The following MYO18A variants were observed in gnomAD, a reference collection of about 807,000 sequenced individuals.
MYO18A encodes myosin XVIIIA, also known as unconventional myosin-XVIIIa.
MYO18A carries 78 observed loss-of-function variants against 235.8 expected under a neutral mutation model. The observed-to-expected ratio is 0.33, with a 90% CI of 0.28 to 0.40. The LOEUF (loss-of-function observed/expected upper bound fraction) is 0.40. Ranked by LOEUF, MYO18A falls within the 10% of genes least tolerant of loss-of-function variation. The pLI is 1.00. For missense variants in MYO18A, 2,215 were observed against 2,699.3 expected, an observed-to-expected ratio of 0.82 and a Z score of 3.98; for synonymous variants, 977 against 1,077.8, an observed-to-expected ratio of 0.91 and a Z score of 1.83.
rs367906119 is a variant in MYO18A at position 29,161,879 on chromosome 17, C to T, written c.999+4063G>A. 1.7e-4 allele frequency among the ~76,000 whole-genome samples: 26 copies of T among 152,352 alleles called. 1 individual carries two copies. The South Asian group carries it at 2.7e-3, about 16-fold the overall frequency. ...ATCCTCAACTTTACCAACATCTCCCCTAATCTCACCAGACTTAGGAAACAC... is the reference window on the plus strand; with the variant it reads ...ATCCTCAACTTTACCAACATCTCCCTTAATCTCACCAGACTTAGGAAACAC... On this transcript the variant is annotated intron_variant, in intron 2 of 41. Coordinates refer to ENST00000527372, the MANE Select transcript of MYO18A (RefSeq NM_078471.4).
chr17:29,127,475 C>G (rs767556533), intron 2 of MYO18A, among the ~76,000 whole-genome samples: 2 of 152,208 alleles, frequency 1.3e-5, no homozygotes, highest in Non-Finnish European at 2.9e-5. Flanking sequence ...GGAATGCAAG[C>G]CCAGATCCCT....
chr17:29,093,771 G>A (rs1156665713), intron 31 of MYO18A, among the ~76,000 whole-genome samples: 1 of 152,166 alleles, frequency 6.6e-6, no homozygotes, highest in Non-Finnish European at 1.5e-5. Flanking sequence ...ACAGAAAGCA[G>A]GGAGCGATAG....
In MYO18A at chr17:29,094,632, G is replaced by A; in HGVS notation, c.4710+18C>T. 1 of 1,613,722 alleles carries A rather than the reference G, an allele frequency of 6.2e-7. No homozygotes were observed. The highest frequency in any genetic ancestry group is 1.1e-5 in the South Asian group (1 of 91,078). On this transcript the variant is annotated intron_variant, in intron 30 of 41. Coordinates refer to ENST00000527372, the MANE Select transcript of MYO18A (RefSeq NM_078471.4). ...CCTCGCTGCACCTCACCTCTCCCTTGGCCAAGCCCTCCTGTACCTGTTCCA... is the reference window on the plus strand; with the variant it reads ...CCTCGCTGCACCTCACCTCTCCCTTAGCCAAGCCCTCCTGTACCTGTTCCA...
At chr17:29,168,261 G>A (rs954586653) in intron 1 of MYO18A, among the ~76,000 whole-genome samples, 4 of 152,032 alleles carry the variant, frequency 2.6e-5, no homozygotes, top group African/African-American at 9.7e-5. Flanking sequence ...TATAGCCCCA[G>A]GAAGAAAACT....
chr17:29,121,569 G>T lies in MYO18A; in HGVS notation c.1349C>A (p.Ala450Asp). 6.2e-7 allele frequency: 1 copy of T among 1,604,258 alleles called. No individual in the cohort carries two copies. Among genetic ancestry groups the T allele is most frequent in the East Asian group, 2.2e-5 (1 of 44,506 alleles). The change falls in exon 5 of 42, where the codon GCC (alanine) becomes GAC (aspartate). Residue 450 changes from alanine to aspartate, a missense_variant. Transcript: ENST00000527372. The surrounding 1 kb of genome is among the most constrained non-coding windows in gnomAD (Gnocchi z 4.2). The stretch of plus-strand genomic sequence containing the variant: ...CACCTTCTCAGAGTACACAGCAGGG[G>T]CCCCACGGGGGCCAAGAACCAGCAG... ...PSLLVLGPRGAPAVYSEKVMH... is the reference protein window; with the variant it reads ...PSLLVLGPRGDPAVYSEKVMH...
intron 41 of MYO18A, chr17:29,080,325 G>T: frequency 1.0e-6 from 1 of 986,138 alleles, no homozygotes; most frequent in Non-Finnish European, 1.2e-6. Context: ...CGCTGGAGCT[G>T]GGAGGCTCAT....
At chr17:29,094,150 C>A (rs1258787989) in intron 30 of MYO18A, 60 bp from the exon 31 acceptor site, 2 of 1,236,556 alleles carry the variant, frequency 1.6e-6, no homozygotes, top group South Asian at 1.3e-5. Flanking sequence ...CCCCTTCCCA[C>A]CTGTGCATGG....
intron 2 of MYO18A, among the ~76,000 whole-genome samples, chr17:29,134,772 C>T (rs2067557035): frequency 6.6e-6 from 1 of 152,174 alleles, no homozygotes. Context: ...ACCCACCTGC[C>T]TCAGCTTCCC....
At chr17:29,177,074 C>T (rs2152994792) in intron 1 of MYO18A, among the ~76,000 whole-genome samples, 1 of 152,328 alleles carries the variant, frequency 6.6e-6, no homozygotes, top group South Asian at 2.1e-4. Context: ...TGACCTTGAG[C>T]AAGTCCCCTC....
intron 1 of MYO18A, among the ~76,000 whole-genome samples, chr17:29,171,977 T>C (rs944888934): frequency 1.3e-5 from 2 of 150,792 alleles, no homozygotes; most frequent in African/African-American, 4.9e-5. Context: ...GATAGGAAAA[T>C]GTTAATTGTA....
intron 34 of MYO18A, 90 bp from the exon 35 acceptor site, chr17:29,091,016 A>T (rs1162404787): frequency 9.5e-7 from 1 of 1,047,376 alleles, no homozygotes; most frequent in East Asian, 2.4e-5. Context: ...ATTGTAGAGA[A>T]GATGATAATG....
intron 2 of MYO18A, among the ~76,000 whole-genome samples, chr17:29,142,365 T>C (rs191045194): frequency 2.9e-4 from 44 of 152,358 alleles, no homozygotes; most frequent in Admixed American, 1.2e-3. Flanking sequence ...AATGAGTGAA[T>C]GAATGAATGA....
Position 29,074,263 on chromosome 17 carries a change from C to G in MYO18A, c.*507G>C. 7.0e-7 allele frequency: 1 copy of G among 1,424,160 alleles called. No individual in the cohort carries two copies. Among genetic ancestry groups the G allele is most frequent in the Admixed American group, 2.2e-5 (1 of 45,602 alleles). The allele number at this position is 1,424,160 out of a possible 1,614,324, so 88.2% of individuals were successfully genotyped here. A position where few individuals can be genotyped will look rare whatever the true frequency, so the allele number is the denominator to read the frequency against. ...CCCCCTCCCACTCTCAGGGATGCAG[C>G]TGTGATGGAGAGGTTGGGTATTTAA... On this transcript the variant is annotated 3_prime_UTR_variant, in exon 42 of 42. Transcript: ENST00000527372. This position sits in a 1 kb window ranked among gnomAD's most constrained non-coding sequence, Gnocchi z 4.4.
chr17:29,106,989 T>C lies in MYO18A; in HGVS notation c.3441+91A>G. On this transcript the variant is annotated intron_variant, in intron 20 of 41. Coordinates refer to ENST00000527372, the MANE Select transcript of MYO18A (RefSeq NM_078471.4). This position sits in a 1 kb window ranked among gnomAD's most constrained non-coding sequence, Gnocchi z 4.6. Reference sequence around the variant, plus strand: ...AGCCTGAGCAGGGCCAGATGAGCTGTCTCCAGGGAAGGGAAGGCAGATGAG... The same window carrying C: ...AGCCTGAGCAGGGCCAGATGAGCTGCCTCCAGGGAAGGGAAGGCAGATGAG... 1 of 1,258,628 alleles carries C rather than the reference T, an allele frequency of 7.9e-7. No individual in the cohort carries two copies. The highest frequency in any genetic ancestry group is 1.2e-5 in the South Asian group (1 of 81,136). 78.0% of individuals were successfully genotyped at this position (1,258,628 alleles called of 1,614,324 possible). A position where few individuals can be genotyped will look rare whatever the true frequency, so the allele number is the denominator to read the frequency against.
chr17:29,096,669 CT>C, intron 28 of MYO18A, 91 bp downstream of exon 28: 1 of 1,406,490 alleles, frequency 7.1e-7, no homozygotes, highest in South Asian at 1.6e-5. Context: ...AATTCAGGTC[CT>C]TCCTTCTTTC....
intron 17 of MYO18A, 50 bp from the exon 18 acceptor site, chr17:29,110,672 C>G (rs769673382): frequency 6.5e-7 from 1 of 1,542,238 alleles, no homozygotes; most frequent in South Asian, 1.2e-5. Context: ...ATCGATGGAG[C>G]GGGAAAGGCC....
intron 2 of MYO18A, among the ~76,000 whole-genome samples, chr17:29,134,909 G>A (rs1189755710): frequency 6.6e-6 from 1 of 152,076 alleles, no homozygotes; most frequent in African/African-American, 2.4e-5. Context: ...GGACCCCAGC[G>A]ACTTTGCCTT....
intron 2 of MYO18A, among the ~76,000 whole-genome samples, chr17:29,163,449 A>C (rs2068216132): frequency 6.6e-6 from 1 of 152,186 alleles, no homozygotes; most frequent in Non-Finnish European, 1.5e-5. Context: ...TAGGAGATGC[A>C]TGGGGATGGG....
Position 29,107,142 on chromosome 17 carries a change from C to T in MYO18A, c.3379G>A (p.Val1127Ile), listed in dbSNP as rs751596459. 3 of 1,613,980 alleles carry T rather than the reference C, an allele frequency of 1.9e-6. No individual in the cohort carries two copies. The highest frequency in any genetic ancestry group is 3.3e-5 in the Admixed American group (2 of 60,018). The change falls in exon 20 of 42, where the codon GTC (valine) becomes ATC (isoleucine). Residue 1127 changes from valine (V) to isoleucine (I), a missense_variant. Physicochemically the swap from Val to Ile is conservative, Grantham distance 29. Transcript: ENST00000527372. ...TTCTTGGTCAGGTGCGGGGCCAGGA[C>T]ATCAAAGCGGCGGCGGAACTCGGAA... Reference protein sequence around the residue: ...VFSEFRRRFDVLAPHLTKKHG... With the variant: ...VFSEFRRRFDILAPHLTKKHG...
Sources: allele counts gnomAD v4.1 joint callset (sites outside exome capture counted in the v4.1 genomes callset), GRCh38; gene constraint gnomAD v4.1.1; non-coding constraint Gnocchi (gnomAD v3.1); transcripts MANE v1.5; gene names NCBI Gene and HGNC (gene_info 2026-07-23, HGNC 2026-07-21).